The following ADD3 variants were observed in gnomAD, a reference collection of about 807,000 sequenced individuals.
ADD3 encodes the protein gamma-adducin.
In ADD3, 25 loss-of-function variants were observed where a neutral mutation model predicts 80.2. The observed-to-expected ratio is 0.31, with a 90% CI of 0.23 to 0.44. The LOEUF is 0.44. ADD3 is among the 20% of genes least tolerant of loss of function. ADD3 has a pLI of 1.00. For synonymous variants in ADD3, 284 were observed against 289.6 expected, an observed-to-expected ratio of 0.98 and a Z score of 0.20; for missense variants, 829 against 847.5, an observed-to-expected ratio of 0.98 and a Z score of 0.27.
intron 12 of ADD3, among the ~76,000 whole-genome samples, chr10:110,129,402 G>A (rs1852645050): frequency 1.3e-5 from 2 of 152,058 alleles, no homozygotes; most frequent in African/African-American, 4.8e-5. Flanking sequence ...GCTCGCCTTG[G>A]CCTTCCAAAG....
intron 1 of ADD3, among the ~76,000 whole-genome samples, chr10:110,050,357 A>G (rs1343967761): frequency 6.6e-6 from 1 of 152,088 alleles, no homozygotes; most frequent in Non-Finnish European, 1.5e-5. Flanking sequence ...GTAGTGAGTA[A>G]GTCTGAGATC....
At position 110,065,050 on chromosome 10, in the gene ADD3, G is replaced by GA. The variant is rs892141234; in HGVS notation, c.-29-35565dup. On this transcript the variant is annotated intron_variant, in intron 1 of 14. Transcript: ENST00000356080. ...CAGAGCGAGACCCTGTTTCAGAAAAGAAAAAAAAAATTACAAATTTCTTTA... is the reference window on the plus strand; with the variant it reads ...CAGAGCGAGACCCTGTTTCAGAAAAGAAAAAAAAAAATTACAAATTTCTTTA... 3.2e-3 allele frequency among the ~76,000 whole-genome samples: 471 copies of GA among 148,782 alleles called. 3 individuals are homozygous for GA. Among genetic ancestry groups the GA allele is most frequent in the African/African-American group, 0.011 (435 of 40,716 alleles).
At chr10:110,015,909 TTTATGCCTCAATAAGAACAG>T (rs1449400038) in intron 1 of ADD3, among the ~76,000 whole-genome samples, 26 of 152,308 alleles carry the variant, frequency 1.7e-4, no homozygotes, top group Middle Eastern at 3.4e-3. Flanking sequence ...GAAGGAACAT[TTTATGCCTCAATAAGAACAG>T]TGTATTTGCT....
At chr10:110,129,329 AG>A (rs1435278689) in intron 12 of ADD3, among the ~76,000 whole-genome samples, 10 of 151,990 alleles carry the variant, frequency 6.6e-5, no homozygotes, top group Admixed American at 6.5e-4. Context: ...TTGTATTTTT[AG>A]TAGAGGCAGG....
rs551028000 is a variant in ADD3 at position 110,036,375 on chromosome 10, C to CTT, written c.-30+28095_-30+28096dup. ...TCCCCTTACATAGTTTAGAAAGTGT[C>CTT]TTTTTTTTTTTTTTTTTTTTCTTGA... is the stretch of plus-strand genomic sequence containing the variant. On this transcript the variant is annotated intron_variant, in intron 1 of 14. Transcript: ENST00000356080. Among the ~76,000 whole-genome samples, 1,104 of 116,774 alleles carry CTT rather than the reference C, an allele frequency of 9.5e-3. 56 individuals are homozygous for CTT. Among genetic ancestry groups the CTT allele is most frequent in the African/African-American group, 0.028 (810 of 28,674 alleles). The allele number at this position is 116,774 out of a possible 152,430, so 76.6% of individuals were successfully genotyped here.
Position 110,012,134 on chromosome 10 carries a change from T to G in ADD3, c.-30+3835T>G, listed in dbSNP as rs1199142141. Among the ~76,000 whole-genome samples the G allele has an allele frequency of 2.0e-5, 3 of 152,246 alleles. No individual in the cohort carries two copies. In the East Asian group the frequency reaches 5.8e-4, roughly 29 times the overall value. On this transcript the variant is annotated intron_variant, in intron 1 of 14. Coordinates refer to ENST00000356080, the MANE Select transcript of ADD3 (RefSeq NM_016824.5). ...CATGCTACTTGAGGGATTCTCTTCC[T>G]TTTAGGTAAAGTTAAAAATTATTCA... is the stretch of plus-strand genomic sequence containing the variant.
intron 1 of ADD3, among the ~76,000 whole-genome samples, chr10:110,033,951 C>G (rs1855346064): frequency 6.6e-6 from 1 of 152,148 alleles, no homozygotes; most frequent in South Asian, 2.1e-4. Context: ...TGTACCATCT[C>G]TTAAAGGTTT....
intron 1 of ADD3, among the ~76,000 whole-genome samples, chr10:110,039,586 C>A (rs1158731985): frequency 6.6e-6 from 1 of 152,162 alleles, no homozygotes; most frequent in Admixed American, 6.5e-5. Flanking sequence ...AAAAGCAAAA[C>A]CATAAAATAC....
In ADD3 at chr10:110,047,617, G is replaced by C. The variant is rs554622703; in HGVS notation, c.-30+39318G>C. ...TCTTTTAATATTCTTTGAATCTTAA[G>C]TATTTAGGAACTAATAGAGAAACTT... On this transcript the variant is annotated intron_variant, in intron 1 of 14. Coordinates refer to ENST00000356080, the MANE Select transcript of ADD3 (RefSeq NM_016824.5). 3.3e-5 allele frequency among the ~76,000 whole-genome samples: 5 copies of C among 152,264 alleles called. No individual in the cohort carries two copies. In the South Asian group the frequency reaches 1.0e-3, roughly 32 times the overall value.
chr10:110,078,438 G>A (rs1373952369), intron 1 of ADD3, among the ~76,000 whole-genome samples: 3 of 152,204 alleles, frequency 2.0e-5, no homozygotes, highest in Non-Finnish European at 4.4e-5. Flanking sequence ...GAAAACTAAA[G>A]CTTTACTTTA....
intron 1 of ADD3, among the ~76,000 whole-genome samples, chr10:110,033,741 TAATA>T (rs933072950): frequency 5.6e-4 from 86 of 152,340 alleles, no homozygotes; most frequent in African/African-American, 2.0e-3. Flanking sequence ...TTCTTGTAAA[TAATA>T]AATAGGGACA....
chr10:110,087,778 T>C (rs899584608), intron 1 of ADD3, among the ~76,000 whole-genome samples: 1 of 152,244 alleles, frequency 6.6e-6, no homozygotes, highest in South Asian at 2.1e-4. Context: ...TGGAAATTCC[T>C]TTGGAACAGT....
chr10:110,100,118 G>C (rs879303645), intron 1 of ADD3, among the ~76,000 whole-genome samples: 9 of 152,154 alleles, frequency 5.9e-5, no homozygotes, highest in Non-Finnish European at 7.3e-5. Context: ...GGAGGCCGAG[G>C]TGGGCAGACC....
intron 1 of ADD3, among the ~76,000 whole-genome samples, chr10:110,088,864 G>A (rs185348518): frequency 6.6e-6 from 1 of 152,176 alleles, no homozygotes; most frequent in East Asian, 1.9e-4. Flanking sequence ...GACTGTATTA[G>A]GAATGGAACA....
chr10:110,041,151 A>G (rs1278312585), intron 1 of ADD3, among the ~76,000 whole-genome samples: 2 of 152,230 alleles, frequency 1.3e-5, no homozygotes. Context: ...TGAACAGCAG[A>G]CCACAGCAGG....
chr10:110,052,240 A>G lies in ADD3; in HGVS notation c.-30+43941A>G, dbSNP rs147590860. On this transcript the variant is annotated intron_variant, in intron 1 of 14. Coordinates refer to ENST00000356080, the MANE Select transcript of ADD3 (RefSeq NM_016824.5). Reference sequence around the variant, plus strand: ...TCTACCTGGAAAGTAAGTAGTAGGTACCCCCTCCCTCTTTAGGAAAACACC... The same window carrying G: ...TCTACCTGGAAAGTAAGTAGTAGGTGCCCCCTCCCTCTTTAGGAAAACACC... 1.9e-3 allele frequency among the ~76,000 whole-genome samples: 286 copies of G among 152,096 alleles called. 1 individual carries two copies. Among genetic ancestry groups the G allele is most frequent in the Admixed American group, 2.9e-3 (44 of 15,270 alleles).
At chr10:110,000,498 T>C (rs1047489543) in intron 1 of ADD3, among the ~76,000 whole-genome samples, 2 of 152,260 alleles carry the variant, frequency 1.3e-5, no homozygotes, top group Non-Finnish European at 2.9e-5. Flanking sequence ...GCACCTACTA[T>C]GTGCCATGCT....
At chr10:109,999,523 A>G (rs1851443423) in intron 1 of ADD3, among the ~76,000 whole-genome samples, 1 of 152,202 alleles carries the variant, frequency 6.6e-6, no homozygotes, top group African/African-American at 2.4e-5. Flanking sequence ...TGACTCTGGT[A>G]TATTATACTT....
intron 1 of ADD3, among the ~76,000 whole-genome samples, chr10:110,094,791 T>C (rs1459042025): frequency 2.0e-5 from 3 of 152,238 alleles, no homozygotes; most frequent in Non-Finnish European, 4.4e-5. Flanking sequence ...CTTTAAAATT[T>C]CATAGTAACT....
Sources: allele counts gnomAD v4.1 joint callset (sites outside exome capture counted in the v4.1 genomes callset), GRCh38; gene constraint gnomAD v4.1.1; transcripts MANE v1.5; gene names NCBI Gene and HGNC (gene_info 2026-07-23, HGNC 2026-07-21).